TSHR: variants seen among roughly 807,000 people sequenced by gnomAD.
TSHR encodes thyroid stimulating hormone receptor, also known as thyrotropin receptor.
A neutral mutation model predicts 64.1 loss-of-function variants in TSHR; 51 were observed. That is an observed-to-expected ratio of 0.80 (90% CI 0.64 to 1.01). The LOEUF (loss-of-function observed/expected upper bound fraction) is 1.01, where lower values mean the gene tolerates loss of function less well. Among genes scored for constraint, TSHR ranks in the 50% least tolerant of loss-of-function variants. The pLI is 0.00. For synonymous variants in TSHR, 361 were observed against 361.9 expected (o/e 1.00, Z 0.03); for missense variants, 877 against 942.8 (o/e 0.93, Z 0.91).
chr14:81,140,275 A>G (rs1361993515), intron 9 of TSHR, among the ~76,000 whole-genome samples: 1 of 152,128 alleles, frequency 6.6e-6, no homozygotes, highest in Admixed American at 6.5e-5. Context: ...GGGTTACCTG[A>G]TTGGTTTGGG....
At chr14:81,070,205 A>G (rs893195511) in intron 3 of TSHR, among the ~76,000 whole-genome samples, 1 of 152,210 alleles carries the variant, frequency 6.6e-6, no homozygotes, top group Non-Finnish European at 1.5e-5. Flanking sequence ...CAACTTTCCA[A>G]AACTCTTAAG....
At chr14:80,960,490 T>C (rs1276144252) in intron 1 of TSHR, among the ~76,000 whole-genome samples, 1 of 152,208 alleles carries the variant, frequency 6.6e-6, no homozygotes, top group Non-Finnish European at 1.5e-5. Flanking sequence ...TATGAAACAC[T>C]GTTCTAAGAG....
intron 6 of TSHR, chr14:81,093,437 G>A (rs1466449026): frequency 6.6e-6 from 1 of 152,226 alleles, no homozygotes; most frequent in Non-Finnish European, 1.5e-5. Context: ...CCTCTGCAGG[G>A]TCTCCTCTCT....
At chr14:81,026,718 G>A (rs768104717) in intron 1 of TSHR, among the ~76,000 whole-genome samples, 1 of 151,804 alleles carries the variant, frequency 6.6e-6, no homozygotes, top group Non-Finnish European at 1.5e-5. Context: ...AGAAGTAAAA[G>A]AGCAAAATAA....
chr14:80,967,178 A>ATT (rs1256875682), intron 1 of TSHR, among the ~76,000 whole-genome samples: 1 of 52,808 alleles, frequency 1.9e-5, no homozygotes, highest in East Asian at 1.5e-3. Context: ...ATATATATAT[A>ATT]TGTATGTGTA....
At chr14:81,050,036 T>C (rs1470524890) in intron 1 of TSHR, 2 of 152,218 alleles carry the variant, frequency 1.3e-5, no homozygotes, top group Non-Finnish European at 2.9e-5. Context: ...AGGAGCACTA[T>C]AATGCTCCCT....
chr14:81,008,647 T>C (rs1889735324), intron 1 of TSHR, among the ~76,000 whole-genome samples: 1 of 152,230 alleles, frequency 6.6e-6, no homozygotes, highest in African/African-American at 2.4e-5. Flanking sequence ...AATTAAGGTC[T>C]TTAAGCTTTA....
At chr14:81,060,011 T>C (rs1290274380) in intron 1 of TSHR, among the ~76,000 whole-genome samples, 1 of 152,138 alleles carries the variant, frequency 6.6e-6, no homozygotes. Context: ...CAATTGCACT[T>C]AGATGCTATT....
chr14:80,973,311 A>G (rs1279633507), intron 1 of TSHR, among the ~76,000 whole-genome samples: 1 of 148,314 alleles, frequency 6.7e-6, no homozygotes, highest in Non-Finnish European at 1.5e-5. Context: ...AGGCTGAGGC[A>G]GGAGAATGGC....
intron 3 of TSHR, among the ~76,000 whole-genome samples, chr14:81,068,671 C>A (rs1886839552): frequency 6.6e-6 from 1 of 152,152 alleles, no homozygotes; most frequent in Non-Finnish European, 1.5e-5. Flanking sequence ...CAAGATTCTA[C>A]AAAGCTGGCA....
At chr14:81,141,064 T>C (rs556635206) in intron 9 of TSHR, among the ~76,000 whole-genome samples, 3 of 152,198 alleles carry the variant, frequency 2.0e-5, no homozygotes, top group Non-Finnish European at 2.9e-5. Flanking sequence ...AGGCGGAGGT[T>C]GCAGTGAGCC....
At chr14:81,039,910 T>A (rs116939590) in intron 1 of TSHR, among the ~76,000 whole-genome samples, 317 of 152,140 alleles carry the variant, frequency 2.1e-3, no homozygotes, top group Non-Finnish European at 3.7e-3. Context: ...GATCTACAGA[T>A]TCAATGAAAT....
At chr14:81,064,342 C>T (rs1381699717) in intron 2 of TSHR, among the ~76,000 whole-genome samples, 1 of 152,032 alleles carries the variant, frequency 6.6e-6, no homozygotes. Flanking sequence ...TGTGGTTGAT[C>T]GGCACATTCA....
intron 1 of TSHR, among the ~76,000 whole-genome samples, chr14:80,972,052 C>G (rs1023494180): frequency 2.0e-5 from 3 of 152,144 alleles, no homozygotes; most frequent in Non-Finnish European, 4.4e-5. Flanking sequence ...TTCCATAACA[C>G]AAATGTTTAG....
At chr14:80,968,877 A>C (rs1443696177) in intron 1 of TSHR, among the ~76,000 whole-genome samples, 2 of 152,176 alleles carry the variant, frequency 1.3e-5, no homozygotes, top group East Asian at 3.9e-4. Flanking sequence ...TAGCATGAGA[A>C]GCTCAAATGA....
At chr14:81,077,928 C>T (rs1887616704) in intron 3 of TSHR, among the ~76,000 whole-genome samples, 1 of 151,488 alleles carries the variant, frequency 6.6e-6, no homozygotes, top group African/African-American at 2.4e-5. Context: ...TATTATGTTA[C>T]TCCACATATC....
intron 1 of TSHR, among the ~76,000 whole-genome samples, chr14:80,967,467 T>A (rs1419454553): frequency 6.6e-6 from 1 of 151,888 alleles, no homozygotes; most frequent in Admixed American, 6.6e-5. Context: ...GTATTTTTAG[T>A]ATAGATGGGT....
chr14:81,101,717 C>G (rs1889592318), intron 7 of TSHR, among the ~76,000 whole-genome samples: 1 of 152,184 alleles, frequency 6.6e-6, no homozygotes, highest in Admixed American at 6.5e-5. Context: ...ACCACACTCA[C>G]TTGAACTGGC....
At chr14:81,041,052 T>C (rs560496382) in intron 1 of TSHR, among the ~76,000 whole-genome samples, 46 of 152,302 alleles carry the variant, frequency 3.0e-4, no homozygotes, top group African/African-American at 9.9e-4. Context: ...GGAATGCTTT[T>C]ACACTGTTGG....
Sources: allele counts gnomAD v4.1 joint callset (sites outside exome capture counted in the v4.1 genomes callset), GRCh38; gene constraint gnomAD v4.1.1; transcripts MANE v1.5; gene names NCBI Gene and HGNC (gene_info 2026-07-23, HGNC 2026-07-21).